Variants in POFUT3 observed in about 807,000 individuals in gnomAD.
POFUT3 encodes the protein GDP-fucose protein O-fucosyltransferase 3.
At chr8:33,328,855 G>A in the POFUT3 span, among the ~76,000 whole-genome samples, 1 of 152,130 alleles carries the variant, frequency 6.6e-6, no homozygotes, top group Admixed American at 6.5e-5. Context: ...AAAGATATGG[G>A]GGCAAGGGAG....
At chr8:33,437,092 T>G in the POFUT3 span, among the ~76,000 whole-genome samples, 1 of 152,180 alleles carries the variant, frequency 6.6e-6, no homozygotes, top group Non-Finnish European at 1.5e-5. Context: ...GTGGAGGACA[T>G]GATTTTGCTA....
the POFUT3 span, among the ~76,000 whole-genome samples, chr8:33,368,549 CTCT>C: frequency 6.6e-6 from 1 of 152,208 alleles, no homozygotes; most frequent in African/African-American, 2.4e-5. Flanking sequence ...GCTCAGGCTC[CTCT>C]TCTTCTCCTT....
the POFUT3 span, among the ~76,000 whole-genome samples, chr8:33,447,174 C>T: frequency 6.6e-6 from 1 of 152,116 alleles, no homozygotes; most frequent in African/African-American, 2.4e-5. Flanking sequence ...CCAGGCCGGG[C>T]GCGGTGGCTC....
the POFUT3 span, among the ~76,000 whole-genome samples, chr8:33,321,445 C>T: frequency 1.3e-5 from 2 of 152,060 alleles, no homozygotes; most frequent in Non-Finnish European, 2.9e-5. Context: ...CCATTTCTCT[C>T]TCCCTCCCTC....
chr8:33,383,697 G>A, the POFUT3 span, among the ~76,000 whole-genome samples: 1 of 152,086 alleles, frequency 6.6e-6, no homozygotes, highest in Non-Finnish European at 1.5e-5. Flanking sequence ...TACTCAGGAG[G>A]CTGAGGCAGG....
the POFUT3 span, among the ~76,000 whole-genome samples, chr8:33,399,034 TTTG>T: frequency 0.31 from 46,462 of 151,822 alleles, 8,414 homozygotes; most frequent in East Asian, 0.56. Flanking sequence ...TTTTTCTAGT[TTTG>T]TTGTTGTTGT....
the POFUT3 span, among the ~76,000 whole-genome samples, chr8:33,396,456 T>C: frequency 2.6e-5 from 4 of 152,222 alleles, no homozygotes; most frequent in African/African-American, 9.6e-5. Context: ...CCAAGTTCTG[T>C]TGCAAGTTTT....
chr8:33,410,935 T>C, the POFUT3 span, among the ~76,000 whole-genome samples: 1 of 152,178 alleles, frequency 6.6e-6, no homozygotes, highest in Non-Finnish European at 1.5e-5. Flanking sequence ...TGCCTGTTCC[T>C]GATCACCACC....
chr8:33,461,318 G>A, the POFUT3 span: 2 of 1,544,242 alleles, frequency 1.3e-6, no homozygotes, highest in South Asian at 1.2e-5. Context: ...TAGGGGGTAG[G>A]GGGACATGGC....
chr8:33,354,921 G>A, the POFUT3 span, among the ~76,000 whole-genome samples: 3 of 152,090 alleles, frequency 2.0e-5, no homozygotes, highest in African/African-American at 7.2e-5. Flanking sequence ...TATAATCATG[G>A]TTTACCATAG....
chr8:33,373,465 C>T, the POFUT3 span, among the ~76,000 whole-genome samples: 1 of 152,146 alleles, frequency 6.6e-6, no homozygotes, highest in South Asian at 2.1e-4. Context: ...TAATACCTCC[C>T]AGCTTCAAAA....
the POFUT3 span, among the ~76,000 whole-genome samples, chr8:33,446,886 G>A: frequency 6.6e-6 from 1 of 152,112 alleles, no homozygotes; most frequent in African/African-American, 2.4e-5. Flanking sequence ...CCCTTGAGAG[G>A]CCCTGCCTGA....
the POFUT3 span, among the ~76,000 whole-genome samples, chr8:33,404,411 AGTGT>A: frequency 1.3e-5 from 2 of 151,914 alleles, no homozygotes; most frequent in Admixed American, 6.6e-5. Context: ...AAAGTTTGGG[AGTGT>A]GGGATGTGCT....
the POFUT3 span, among the ~76,000 whole-genome samples, chr8:33,383,301 C>G: frequency 3.3e-5 from 5 of 152,156 alleles, no homozygotes; most frequent in African/African-American, 1.2e-4. Context: ...AGGTTAAGAT[C>G]GTTGGTACCA....
the POFUT3 span, among the ~76,000 whole-genome samples, chr8:33,445,026 C>T: frequency 6.6e-6 from 1 of 151,176 alleles, no homozygotes; most frequent in African/African-American, 2.4e-5. Flanking sequence ...CTCCACCTCC[C>T]AGGCTTAAGC....
At chr8:33,359,955 G>A in the POFUT3 span, among the ~76,000 whole-genome samples, 1 of 151,958 alleles carries the variant, frequency 6.6e-6, no homozygotes, top group Admixed American at 6.6e-5. Flanking sequence ...GCAGTGAGCT[G>A]AGATCACGCC....
chr8:33,409,586 C>T, the POFUT3 span, among the ~76,000 whole-genome samples: 22 of 152,308 alleles, frequency 1.4e-4, 1 homozygote, highest in East Asian at 3.5e-3. Flanking sequence ...TCCCCCATTT[C>T]GTGTTGTTTT....
the POFUT3 span, among the ~76,000 whole-genome samples, chr8:33,431,904 G>A: frequency 6.6e-6 from 1 of 152,140 alleles, no homozygotes; most frequent in Non-Finnish European, 1.5e-5. Flanking sequence ...AACCACTTAA[G>A]AGATCTTCTA....
At chr8:33,466,393 T>G in the POFUT3 span, among the ~76,000 whole-genome samples, 1 of 151,716 alleles carries the variant, frequency 6.6e-6, no homozygotes, top group Admixed American at 6.6e-5. Context: ...TATGCCACTG[T>G]ACTCCAGCCT....
Sources: allele counts gnomAD v4.1 joint callset (sites outside exome capture counted in the v4.1 genomes callset), GRCh38; gene constraint gnomAD v4.1.1; transcripts MANE v1.5; gene names NCBI Gene and HGNC (gene_info 2026-07-23, HGNC 2026-07-21).